ELOVL1: variants seen among roughly 807,000 people sequenced by gnomAD.
The protein encoded by ELOVL1 is very long chain fatty acid elongase 1.
In ELOVL1, 10 loss-of-function variants were observed where a neutral mutation model predicts 37.8. The ratio of observed to expected loss-of-function variants is 0.26; its 90% CI spans 0.16 to 0.45. The LOEUF (loss-of-function observed/expected upper bound fraction) is 0.45. Among genes scored for constraint, ELOVL1 ranks in the 20% least tolerant of loss-of-function variants. The probability of loss-of-function intolerance (pLI) is 1.00; values close to 1 mark genes in which losing one functional copy is unlikely to be tolerated. For missense variants in ELOVL1, 256 were observed against 352.7 expected, an observed-to-expected ratio of 0.73 and a Z score of 2.20; for synonymous variants, 133 against 123.8, an observed-to-expected ratio of 1.07 and a Z score of -0.49.
intron 2 of ELOVL1, 34 bp downstream of exon 2, chr1:43,365,530 G>A: frequency 6.2e-7 from 1 of 1,614,094 alleles, no homozygotes; most frequent in Non-Finnish European, 8.5e-7. Context: ...TCCCGGGAAA[G>A]AAGGAAGGAA....
In ELOVL1 at chr1:43,365,267, A is replaced by G; in HGVS notation, c.156T>C (p.Asn52=). The G allele has an allele frequency of 6.2e-7, 1 of 1,614,164 alleles. No individual in the cohort carries two copies. The highest frequency in any genetic ancestry group is 8.5e-7 in the Non-Finnish European group (1 of 1,180,030). The change falls in exon 3 of 8, where the codon AAT becomes AAC. Residue 52 remains asparagine (N), a synonymous_variant. Transcript: ENST00000372458. ...VLSLGPRIMA[N]RKPFQLRGFM... ...AGCCACGGAGCTGGAAGGGCTTCCGATTAGCCATGATGCGAGGCCCAAGTG... is the reference window on the plus strand; with the variant it reads ...AGCCACGGAGCTGGAAGGGCTTCCGGTTAGCCATGATGCGAGGCCCAAGTG...
At position 43,363,779 on chromosome 1, in the gene ELOVL1, AG is replaced by A. The variant is rs888338030; in HGVS notation, c.*136del. ...TGGTCCCTGTAGAGCAGCTGTGGGG[AG>A]GGGAGGGCCAGTCCCCTGCTCAGTC... is the stretch of plus-strand genomic sequence containing the variant. On this transcript the variant is annotated 3_prime_UTR_variant, in exon 8 of 8. Coordinates refer to ENST00000372458, the MANE Select transcript of ELOVL1 (RefSeq NM_022821.4). The A allele has an allele frequency of 6.2e-5, 46 of 746,880 alleles. No homozygotes were observed. Among genetic ancestry groups the A allele is most frequent in the Non-Finnish European group, 9.5e-5 (43 of 452,520 alleles). 46.3% of individuals were successfully genotyped at this position (746,880 alleles called of 1,614,324 possible).
chr1:43,367,676 T>C (rs1040203112), intron 1 of ELOVL1: 4 of 139,396 alleles, frequency 2.9e-5, no homozygotes, highest in African/African-American at 8.1e-5. Flanking sequence ...GAGAGGTAAA[T>C]GCAGGGGTGG....
rs1390951129 is a variant in ELOVL1 at position 43,364,033 on chromosome 1, G to A, written c.723C>T (p.Thr241=). 3 of 1,614,178 alleles carry A rather than the reference G, an allele frequency of 1.9e-6. No individual in the cohort carries two copies. The highest frequency in any genetic ancestry group is 1.3e-5 in the African/African-American group (1 of 75,030). ...VIIHLIWMYG[T]IFFMLFSNFW... is the part of the protein sequence containing the mutation. ...AGTTGGAGAACAGCATGAAGAAGAT[G>A]GTGCCATACATCCAGATGAGGTGAA... Residue 241 remains threonine, a synonymous_variant, in exon 8 of 8, where the codon ACC becomes ACT. Transcript: ENST00000372458. The surrounding 1 kb of genome is among the most constrained non-coding windows in gnomAD (Gnocchi z 5.2).
Position 43,364,258 on chromosome 1 carries a change from T to A in ELOVL1, c.618+66A>T. On this transcript the variant is annotated intron_variant, in intron 7 of 7. Transcript: ENST00000372458. The surrounding 1 kb of genome is among the most constrained non-coding windows in gnomAD (Gnocchi z 5.2). ...GGGGTCAAAGGTGAGACAGACTGGA[T>A]AAAGGCAGGATCCAGGCTAGGAATG... is the stretch of plus-strand genomic sequence containing the variant. 1 of 1,612,198 alleles carries A rather than the reference T, an allele frequency of 6.2e-7. No individual in the cohort carries two copies. Among genetic ancestry groups the A allele is most frequent in the East Asian group, 2.2e-5 (1 of 44,844 alleles).
In ELOVL1 at chr1:43,364,821, A is replaced by C; in HGVS notation, c.319-27T>G. On this transcript the variant is annotated intron_variant, in intron 4 of 7. Coordinates refer to ENST00000372458, the MANE Select transcript of ELOVL1 (RefSeq NM_022821.4). This position sits in a 1 kb window ranked among gnomAD's most constrained non-coding sequence, Gnocchi z 5.2. ...TGCAAGAAGTTGGGATAGCCTTAGG[A>C]CCTCATACACTATTCTAAGAGCCTC... 1 of 1,614,132 alleles carries C rather than the reference A, an allele frequency of 6.2e-7. No individual in the cohort carries two copies. The highest frequency in any genetic ancestry group is 8.5e-7 in the Non-Finnish European group (1 of 1,180,024).
In ELOVL1 at chr1:43,364,588, G is replaced by T; in HGVS notation, c.435C>A (p.His145Gln). The T allele has an allele frequency of 6.2e-7, 1 of 1,614,154 alleles. No individual in the cohort carries two copies. The highest frequency in any genetic ancestry group is 8.5e-7 in the Non-Finnish European group (1 of 1,180,016). Residue 145 changes from histidine to glutamine, a missense_variant, in exon 6 of 8, where the codon CAC becomes CAA. His to Gln is a conservative substitution (Grantham distance 24). Coordinates refer to ENST00000372458, the MANE Select transcript of ELOVL1 (RefSeq NM_022821.4). The surrounding 1 kb of genome is among the most constrained non-coding windows in gnomAD (Gnocchi z 5.2). ...ACCACCAGCTCCAGGGAAGCACAGA[G>T]TGATGGAAGACATGTAGGAAGGTCA... ...GQVTFLHVFH[H>Q]SVLPWSWWWG...
chr1:43,365,502 C>T (rs1006879848), intron 2 of ELOVL1, 62 bp downstream of exon 2: 1 of 1,613,350 alleles, frequency 6.2e-7, no homozygotes, highest in Non-Finnish European at 8.5e-7. Context: ...CATTAGAAGA[C>T]AGCCGTAGAT....
At chr1:43,365,033 A>AC (rs1378070459) in intron 3 of ELOVL1, 25 bp from the exon 4 acceptor site, 9 of 1,607,088 alleles carry the variant, frequency 5.6e-6, no homozygotes, top group Non-Finnish European at 7.6e-6. Flanking sequence ...GGATTAGACC[A>AC]CCAGAGTTCT....
At chr1:43,367,608 G>C (rs1647278969) in intron 1 of ELOVL1, 1 of 152,562 alleles carries the variant, frequency 6.6e-6, no homozygotes, top group African/African-American at 2.4e-5. Flanking sequence ...TGGATGGAAG[G>C]GAAAAGGTGC....
Position 43,363,606 on chromosome 1 carries a change from C to A in ELOVL1, c.*310G>T. The A allele has an allele frequency of 2.3e-6, 1 of 427,388 alleles. No individual in the cohort carries two copies. The highest frequency in any genetic ancestry group is 3.9e-5 in the Admixed American group (1 of 25,492). 26.5% of individuals were successfully genotyped at this position (427,388 alleles called of 1,614,324 possible). A position where few individuals can be genotyped will look rare whatever the true frequency, so the allele number is the denominator to read the frequency against. On this transcript the variant is annotated 3_prime_UTR_variant, in exon 8 of 8. Coordinates refer to ENST00000372458, the MANE Select transcript of ELOVL1 (RefSeq NM_022821.4). ...AAGGCCACGAGACCCTTTGTGGGGC[C>A]AGCCCTGAGTGCTCCTCTCCCAAGT...
chr1:43,365,649 C>T (rs1647220811), intron 1 of ELOVL1, 26 bp from the exon 2 acceptor site: 1 of 1,612,058 alleles, frequency 6.2e-7, no homozygotes, highest in Non-Finnish European at 8.5e-7. Context: ...GGGCGGATGT[C>T]AGACAGATCC....
Position 43,363,577 on chromosome 1 carries a change from GA to G in ELOVL1, c.*338del, listed in dbSNP as rs1220634408. 14 of 395,194 alleles carry G rather than the reference GA, an allele frequency of 3.5e-5. No homozygotes were observed. The highest frequency in any genetic ancestry group is 5.1e-5 in the Non-Finnish European group (11 of 214,738). 24.5% of individuals were successfully genotyped at this position (395,194 alleles called of 1,614,324 possible). ...TTATTGCTGACCTCTTCTGTGTGAG[GA>G]AAAAGGCCACGAGACCCTTTGTGGG... On this transcript the variant is annotated 3_prime_UTR_variant, in exon 8 of 8. Coordinates refer to ENST00000372458, the MANE Select transcript of ELOVL1 (RefSeq NM_022821.4).
In ELOVL1 at chr1:43,364,888, C is replaced by G; in HGVS notation, c.318+40G>C. The G allele has an allele frequency of 6.2e-7, 1 of 1,613,726 alleles. No individual in the cohort carries two copies. Among genetic ancestry groups the G allele is most frequent in the Non-Finnish European group, 8.5e-7 (1 of 1,179,656 alleles). On this transcript the variant is annotated intron_variant, in intron 4 of 7. Transcript: ENST00000372458. This position sits in a 1 kb window ranked among gnomAD's most constrained non-coding sequence, Gnocchi z 5.2. ...AGCACAGGCCCCAAACTGGTCATAT[C>G]TACCAGGTTGCTTATGACCTAGCCC...
rs1053979604 is a variant in ELOVL1 at position 43,364,855 on chromosome 1, G to A, written c.319-61C>T. 1.5e-5 allele frequency: 24 copies of A among 1,613,884 alleles called. No homozygotes were observed. The highest frequency in any genetic ancestry group is 1.8e-5 in the Non-Finnish European group (21 of 1,179,882). On this transcript the variant is annotated intron_variant, in intron 4 of 7. Coordinates refer to ENST00000372458, the MANE Select transcript of ELOVL1 (RefSeq NM_022821.4). The surrounding 1 kb of genome is among the most constrained non-coding windows in gnomAD (Gnocchi z 5.2). Reference sequence around the variant, plus strand: ...ACTATTCTAAGAGCCTCCCTAAACTGGGCCTTGAGCACAGGCCCCAAACTG... The same window carrying A: ...ACTATTCTAAGAGCCTCCCTAAACTAGGCCTTGAGCACAGGCCCCAAACTG...
chr1:43,363,672 G>A lies in ELOVL1; in HGVS notation c.*244C>T. 1.8e-6 allele frequency: 1 copy of A among 548,276 alleles called. No individual in the cohort carries two copies. The highest frequency in any genetic ancestry group is 2.1e-5 in the South Asian group (1 of 47,352). The allele number at this position is 548,276 out of a possible 1,614,324, so 34.0% of individuals were successfully genotyped here. On this transcript the variant is annotated 3_prime_UTR_variant, in exon 8 of 8. Coordinates refer to ENST00000372458, the MANE Select transcript of ELOVL1 (RefSeq NM_022821.4). ...GGGAAATAACTGTACAGCCCTTTTA[G>A]CCCCCAGCTCTGGAGTGGCAGACAG...
chr1:43,364,269 T>A lies in ELOVL1; in HGVS notation c.618+55A>T, dbSNP rs1276300878. 2 of 1,612,902 alleles carry A rather than the reference T, an allele frequency of 1.2e-6. No homozygotes were observed. The highest frequency in any genetic ancestry group is 1.7e-6 in the Non-Finnish European group (2 of 1,179,610). On this transcript the variant is annotated intron_variant, in intron 7 of 7. Transcript: ENST00000372458. The surrounding 1 kb of genome is among the most constrained non-coding windows in gnomAD (Gnocchi z 5.2). ...TGAGACAGACTGGATAAAGGCAGGATCCAGGCTAGGAATGTGGGGGGATGG... is the reference window on the plus strand; with the variant it reads ...TGAGACAGACTGGATAAAGGCAGGAACCAGGCTAGGAATGTGGGGGGATGG...
chr1:43,366,805 G>A (rs1402966401), intron 1 of ELOVL1, among the ~76,000 whole-genome samples: 1 of 152,084 alleles, frequency 6.6e-6, no homozygotes, highest in Non-Finnish European at 1.5e-5. Context: ...GGGCCCCGTT[G>A]GGCTAGGCCC....
chr1:43,364,092 T>TA lies in ELOVL1; in HGVS notation c.663dup (p.Met222TyrfsTer5). 1 of 1,613,986 alleles carries TA rather than the reference T, an allele frequency of 6.2e-7. No individual in the cohort carries two copies. Among genetic ancestry groups the TA allele is most frequent in the Non-Finnish European group, 8.5e-7 (1 of 1,180,002 alleles). On this transcript the variant is annotated frameshift_variant, in exon 8 of 8. Transcript: ENST00000372458. LOFTEE classifies it high-confidence loss of function. This position sits in a 1 kb window ranked among gnomAD's most constrained non-coding sequence, Gnocchi z 5.2. ...GGGTACTGGTAGTTACAGCTGGACA[T>TA]AAAGTAGTACTGGGAGATGTGCAGT... is the stretch of plus-strand genomic sequence containing the variant.
Sources: gnomAD v4.1 joint callset for allele counts (sites outside exome capture counted in the v4.1 genomes callset) on GRCh38, gnomAD v4.1.1 for gene constraint, Gnocchi (gnomAD v3.1) non-coding constraint, MANE v1.5 for transcripts, NCBI Gene and HGNC (gene_info 2026-07-23, HGNC 2026-07-21) for gene names.